Variants in GSE1 observed in about 807,000 individuals in gnomAD.
GSE1 encodes Gse1 coiled-coil protein.
In GSE1, 32 loss-of-function variants were observed where a neutral mutation model predicts 112.6. The ratio of observed to expected loss-of-function variants is 0.28; its 90% CI spans 0.21 to 0.38. The LOEUF (loss-of-function observed/expected upper bound fraction) is 0.38. GSE1 is among the 10% of genes least tolerant of loss of function. The pLI, the probability that GSE1 is intolerant of heterozygous loss-of-function variation, is 1.00. For synonymous variants in GSE1, 1,115 were observed against 735.6 expected, an observed-to-expected ratio of 1.52 and a Z score of -8.35; for missense variants, 2,348 against 1,699.2, an observed-to-expected ratio of 1.38 and a Z score of -6.71.
At position 85,542,836 on chromosome 16, in the gene GSE1, C is replaced by T. The variant is rs1454394518; in HGVS notation, c.2465-91078C>T. On this transcript the variant is annotated intron_variant, in intron 2 of 2. Transcript: ENST00000637419. ...AGCACCAGGCTGGGGCTTCTCCCTC[C>T]CTGCAGCAGCTGCTGCAATACAGGG... Among the ~76,000 whole-genome samples the T allele has an allele frequency of 2.6e-5, 4 of 152,226 alleles. No individual in the cohort carries two copies. The East Asian group carries it at 5.8e-4, about 22-fold the overall frequency.
At chr16:85,590,584 CAT>C (rs895826450) in intron 1 of GSE1, among the ~76,000 whole-genome samples, 2 of 148,374 alleles carry the variant, frequency 1.3e-5, no homozygotes, top group Non-Finnish European at 3.0e-5. Context: ...TGAGTATGAA[CAT>C]GTGTGATTGA....
chr16:85,584,961 G>T (rs922510331), intron 1 of GSE1, among the ~76,000 whole-genome samples: 2 of 152,140 alleles, frequency 1.3e-5, no homozygotes, highest in Non-Finnish European at 2.9e-5. Flanking sequence ...GGCCCGGGTT[G>T]TCACGGTAAT....
chr16:85,233,544 C>T (rs114259786), intron 1 of GSE1, among the ~76,000 whole-genome samples: 331 of 152,288 alleles, frequency 2.2e-3, no homozygotes, highest in African/African-American at 7.7e-3. Flanking sequence ...ACATGTTGTA[C>T]AGTGTCTGGA....
intron 2 of GSE1, among the ~76,000 whole-genome samples, chr16:85,434,188 G>C (rs1334242072): frequency 6.6e-6 from 1 of 152,034 alleles, no homozygotes; most frequent in African/African-American, 2.4e-5. Context: ...TTTCCCACAG[G>C]GCTGGGGACT....
chr16:85,427,071 G>A (rs904619991), intron 2 of GSE1, among the ~76,000 whole-genome samples: 11 of 152,098 alleles, frequency 7.2e-5, no homozygotes, highest in African/African-American at 2.7e-4. Context: ...CTCACATTGG[G>A]AACAGGCTCA....
chr16:85,574,317 G>C (rs540109511), intron 1 of GSE1, among the ~76,000 whole-genome samples: 1 of 152,358 alleles, frequency 6.6e-6, no homozygotes, highest in African/African-American at 2.4e-5. Context: ...TTATTCAGCT[G>C]CTTCCCAGAG....
In GSE1 at chr16:85,673,494, A is replaced by C. The variant is rs1436578308; in HGVS notation, c.*955A>C. ...TTTTTTGGGCAAAAAAAAAAAAAAA[A>C]CCTTGCTTTTAGTGTTTGTACTGCT... is the stretch of plus-strand genomic sequence containing the variant. On this transcript the variant is annotated 3_prime_UTR_variant, in exon 16 of 16. Transcript: ENST00000253458. 1.3e-5 allele frequency: 2 copies of C among 148,780 alleles called. No homozygotes were observed. The highest frequency in any genetic ancestry group is 2.0e-4 in the East Asian group (1 of 5,090). The allele number at this position is 148,780 out of a possible 1,614,324, so 9.2% of individuals were successfully genotyped here. A position where few individuals can be genotyped will look rare whatever the true frequency, so the allele number is the denominator to read the frequency against.
chr16:85,366,906 C>T (rs1420753177), intron 2 of GSE1, among the ~76,000 whole-genome samples: 3 of 152,216 alleles, frequency 2.0e-5, no homozygotes, highest in Non-Finnish European at 4.4e-5. Context: ...ATGGAAAAGA[C>T]GAGATTGGCT....
chr16:85,547,878 C>CAAAAAAA (rs755865916), intron 2 of GSE1, among the ~76,000 whole-genome samples: 1 of 92,294 alleles, frequency 1.1e-5, no homozygotes, highest in Non-Finnish European at 2.2e-5. Context: ...GTCTCTGTCT[C>CAAAAAAA]AAAAAAAAAA....
At chr16:85,496,476 G>A (rs560722865) in intron 2 of GSE1, among the ~76,000 whole-genome samples, 69 of 152,364 alleles carry the variant, frequency 4.5e-4, no homozygotes, top group African/African-American at 1.5e-3. Flanking sequence ...AGCAAAGGGT[G>A]CTGGCGAGGC....
At chr16:85,672,359 T>TA in intron 15 of GSE1, 46 bp from the exon 16 acceptor site, 1 of 1,505,620 alleles carries the variant, frequency 6.6e-7, no homozygotes, top group African/African-American at 1.4e-5. Flanking sequence ...TGCTTGTCCT[T>TA]ACAGAGGAAA....
chr16:85,367,438 C>T (rs938310243), intron 2 of GSE1, among the ~76,000 whole-genome samples: 13 of 152,304 alleles, frequency 8.5e-5, no homozygotes, highest in South Asian at 2.1e-4. Context: ...ACCCCTGCCC[C>T]GAGAGCAGAT....
chr16:85,616,482 G>C (rs1014510136), intron 1 of GSE1, among the ~76,000 whole-genome samples: 1 of 152,184 alleles, frequency 6.6e-6, no homozygotes, highest in African/African-American at 2.4e-5. Context: ...ATCAAACCCT[G>C]GGATCGGGCC....
chr16:85,631,686 A>G (rs2049551488), intron 1 of GSE1, among the ~76,000 whole-genome samples: 3 of 152,132 alleles, frequency 2.0e-5, no homozygotes, highest in South Asian at 4.1e-4. Context: ...GAAGCCCCTC[A>G]TGTCAGTTAC....
At chr16:85,403,024 A>G (rs985855768) in intron 2 of GSE1, among the ~76,000 whole-genome samples, 1 of 151,998 alleles carries the variant, frequency 6.6e-6, no homozygotes, top group East Asian at 1.9e-4. Flanking sequence ...CCTCCTGGGT[A>G]TCAGCCTTCC....
chr16:85,492,771 G>A (rs925497818), intron 2 of GSE1, among the ~76,000 whole-genome samples: 6 of 151,992 alleles, frequency 3.9e-5, no homozygotes, highest in Non-Finnish European at 7.4e-5. Context: ...ATGACCTCAC[G>A]GTGCCTTTCT....
At chr16:85,625,319 G>T (rs572899892) in intron 1 of GSE1, among the ~76,000 whole-genome samples, 2 of 152,192 alleles carry the variant, frequency 1.3e-5, no homozygotes, top group African/African-American at 4.8e-5. Context: ...CTCCATCCGG[G>T]AACCTCCGGG....
intron 2 of GSE1, among the ~76,000 whole-genome samples, chr16:85,385,752 G>T (rs906436744): frequency 6.6e-6 from 1 of 152,208 alleles, no homozygotes; most frequent in Non-Finnish European, 1.5e-5. Context: ...CCGAGGCCTC[G>T]GCGGTAATGG....
At chr16:85,619,501 C>G in intron 1 of GSE1, among the ~76,000 whole-genome samples, 1 of 152,122 alleles carries the variant, frequency 6.6e-6, no homozygotes, top group Non-Finnish European at 1.5e-5. Context: ...GGGCAAAGCC[C>G]GGGGGTGCCA....
Sources: allele counts gnomAD v4.1 joint callset (sites outside exome capture counted in the v4.1 genomes callset), GRCh38; gene constraint gnomAD v4.1.1; transcripts MANE v1.5; gene names NCBI Gene and HGNC (gene_info 2026-07-23, HGNC 2026-07-21).